Variants in STEAP1B observed in about 807,000 individuals in gnomAD.
The protein encoded by STEAP1B is STEAP family member 1B, also known as STEAP family protein MGC87042.
In STEAP1B, 13 loss-of-function variants were observed where a neutral mutation model predicts 27.9. The observed-to-expected ratio is 0.47, with a 90% CI of 0.30 to 0.74. The LOEUF is 0.74. STEAP1B is among the 30% of genes least tolerant of loss of function. STEAP1B has a pLI of 0.06. For synonymous variants in STEAP1B, 86 were observed against 107.1 expected (o/e 0.80, Z 1.22); for missense variants, 250 against 298.7 (o/e 0.84, Z 1.20).
chr7:22,424,390 G>A lies in STEAP1B; in HGVS notation c.763-4554C>T, dbSNP rs115730878. Reference sequence around the variant, plus strand: ...GCTCACCACCCCTTTGAAAAATGACGAATAAACAAAGGAAAATATATTCAA... The same window carrying A: ...GCTCACCACCCCTTTGAAAAATGACAAATAAACAAAGGAAAATATATTCAA... On this transcript the variant is annotated intron_variant, in intron 4 of 4. Transcript: ENST00000678116. 3.8e-3 allele frequency among the ~76,000 whole-genome samples: 572 copies of A among 152,048 alleles called. 4 individuals carry two copies. Among genetic ancestry groups the A allele is most frequent in the African/African-American group, 0.013 (535 of 41,498 alleles).
intron 4 of STEAP1B, among the ~76,000 whole-genome samples, chr7:22,456,972 A>ATATATATATTTTTTTTTTTTTTTTTT: frequency 2.3e-4 from 13 of 57,040 alleles, no homozygotes; most frequent in Admixed American, 2.0e-4. Flanking sequence ...ATATATATAT[A>ATATATATATTTTTTTTTTTTTTTTTT]TTTTTTTTTT....
At chr7:22,438,879 T>TAGTTGAGATTTTATC in intron 4 of STEAP1B, 1 of 1,217,946 alleles carries the variant, frequency 8.2e-7, no homozygotes, top group Non-Finnish European at 1.1e-6. Flanking sequence ...TGGGATAAAA[T>TAGTTGAGATTTTATC]CTCAACTATT....
At chr7:22,440,430 C>G (rs912425820) in intron 4 of STEAP1B, among the ~76,000 whole-genome samples, 1 of 152,094 alleles carries the variant, frequency 6.6e-6, no homozygotes, top group Non-Finnish European at 1.5e-5. Context: ...GATGGGGTAT[C>G]TTGTAAAAAT....
chr7:22,469,136 G>A (rs1013523983), intron 4 of STEAP1B, among the ~76,000 whole-genome samples: 4 of 152,116 alleles, frequency 2.6e-5, no homozygotes, highest in African/African-American at 7.2e-5. Flanking sequence ...ATATAGAGGT[G>A]GAAAGCAGTG....
intron 3 of STEAP1B, 32 bp downstream of exon 3, chr7:22,493,292 T>C (rs1786366523): frequency 6.4e-7 from 1 of 1,567,014 alleles, no homozygotes; most frequent in Non-Finnish European, 8.7e-7. Flanking sequence ...TTAGACTTTT[T>C]ATTAGTAACA....
At chr7:22,493,300 A>T (rs1421534084) in intron 3 of STEAP1B, 24 bp downstream of exon 3, 1 of 1,583,408 alleles carries the variant, frequency 6.3e-7, no homozygotes, top group Admixed American at 1.7e-5. Context: ...TTTATTAGTA[A>T]CAGTGACATC....
intron 4 of STEAP1B, among the ~76,000 whole-genome samples, chr7:22,421,008 A>G (rs1281893994): frequency 6.6e-6 from 1 of 152,248 alleles, no homozygotes; most frequent in African/African-American, 2.4e-5. Flanking sequence ...CTTAGAGAAC[A>G]TACTAGAAGA....
chr7:22,456,972 A>ATATATTT, intron 4 of STEAP1B, among the ~76,000 whole-genome samples: 3 of 57,070 alleles, frequency 5.3e-5, no homozygotes, highest in African/African-American at 2.1e-4. Flanking sequence ...ATATATATAT[A>ATATATTT]TTTTTTTTTT....
intron 1 of STEAP1B, among the ~76,000 whole-genome samples, chr7:22,499,383 T>G (rs916111346): frequency 1.2e-4 from 18 of 150,888 alleles, no homozygotes; most frequent in African/African-American, 2.0e-4. Flanking sequence ...GTTTTTTGGG[T>G]TTTTTTTTCA....
At chr7:22,432,886 C>G (rs556860585) in intron 4 of STEAP1B, among the ~76,000 whole-genome samples, 1 of 152,192 alleles carries the variant, frequency 6.6e-6, no homozygotes, top group Non-Finnish European at 1.5e-5. Context: ...ACAATAGCAG[C>G]CTCGTCTCTT....
At chr7:22,445,470 G>C (rs1196731803) in intron 4 of STEAP1B, among the ~76,000 whole-genome samples, 1 of 152,256 alleles carries the variant, frequency 6.6e-6, no homozygotes, top group African/African-American at 2.4e-5. Flanking sequence ...TGAGAACCGG[G>C]CAGGAACTGG....
chr7:22,475,457 G>T (rs1158325981), intron 4 of STEAP1B, among the ~76,000 whole-genome samples: 1 of 152,180 alleles, frequency 6.6e-6, no homozygotes, highest in Non-Finnish European at 1.5e-5. Context: ...CTGTAACCTT[G>T]AACTCCTGGA....
chr7:22,469,026 G>A (rs1322363119), intron 4 of STEAP1B, among the ~76,000 whole-genome samples: 3 of 152,044 alleles, frequency 2.0e-5, no homozygotes, highest in Non-Finnish European at 4.4e-5. Context: ...ACAGCCTCAG[G>A]TAGGTACTTC....
At chr7:22,433,721 G>A (rs1423118703) in intron 4 of STEAP1B, among the ~76,000 whole-genome samples, 1 of 152,150 alleles carries the variant, frequency 6.6e-6, no homozygotes, top group African/African-American at 2.4e-5. Flanking sequence ...TTAGGACTGT[G>A]CTATTCCAAA....
At chr7:22,423,966 C>G (rs1052573287) in intron 4 of STEAP1B, among the ~76,000 whole-genome samples, 6 of 152,238 alleles carry the variant, frequency 3.9e-5, no homozygotes, top group Non-Finnish European at 8.8e-5. Context: ...GAGGTCAAGG[C>G]TGCAGTGAGC....
chr7:22,426,514 T>C (rs1785109699), intron 4 of STEAP1B, among the ~76,000 whole-genome samples: 1 of 152,182 alleles, frequency 6.6e-6, no homozygotes, highest in African/African-American at 2.4e-5. Flanking sequence ...CCCAACTTCA[T>C]AAGTTAAGTT....
chr7:22,422,952 T>G (rs1785062297), intron 4 of STEAP1B, among the ~76,000 whole-genome samples: 1 of 152,132 alleles, frequency 6.6e-6, no homozygotes, highest in Non-Finnish European at 1.5e-5. Flanking sequence ...AACGGAGATA[T>G]TTGGAGAAAA....
intron 4 of STEAP1B, among the ~76,000 whole-genome samples, chr7:22,450,178 G>A (rs1352061842): frequency 6.6e-6 from 1 of 151,820 alleles, no homozygotes; most frequent in Non-Finnish European, 1.5e-5. Flanking sequence ...GCCTGTGCTT[G>A]TGGAGTATTA....
chr7:22,459,009 T>C (rs1022382979), intron 4 of STEAP1B, among the ~76,000 whole-genome samples: 2 of 151,840 alleles, frequency 1.3e-5, no homozygotes, highest in African/African-American at 4.8e-5. Flanking sequence ...AAGCCAAAAA[T>C]AGAACAAAAA....
Sources: allele counts gnomAD v4.1 joint callset (sites outside exome capture counted in the v4.1 genomes callset), GRCh38; gene constraint gnomAD v4.1.1; transcripts MANE v1.5; gene names NCBI Gene and HGNC (gene_info 2026-07-23, HGNC 2026-07-21).